Variants in PFKM observed in about 807,000 individuals in gnomAD.
PFKM encodes phosphofructokinase, muscle, also known as ATP-dependent 6-phosphofructokinase, muscle type.
In PFKM, 58 loss-of-function variants were observed where a neutral mutation model predicts 95.5. That is an observed-to-expected ratio of 0.61 (90% CI 0.49 to 0.76). The LOEUF is 0.76. PFKM is among the 30% of genes least tolerant of loss of function. The probability of loss-of-function intolerance (pLI) is 0.00; values close to 1 mark genes in which losing one functional copy is unlikely to be tolerated. For missense variants in PFKM, 678 were observed against 1,005.4 expected, an observed-to-expected ratio of 0.67 and a Z score of 4.40; for synonymous variants, 336 against 357.2, an observed-to-expected ratio of 0.94 and a Z score of 0.67.
At position 48,137,841 on chromosome 12, in the gene PFKM, C is replaced by T; in HGVS notation, c.1057C>T (p.Gln353Ter). Residue 353 changes from glutamine (Q) to a stop codon, truncating the protein, a stop_gained, in exon 11 of 23, where the codon CAG becomes TAG. Coordinates refer to ENST00000359794, the MANE Select transcript of PFKM (RefSeq NM_000289.6). LOFTEE classifies it high-confidence loss of function. ...AVRLPLMECV[Q>*]VTKDVTKAMD... ...GCGCCTGCCCCTCATGGAATGTGTC[C>T]AGGTGGTAAGTACTGATCCTAAACC... 1 of 1,614,130 alleles carries T rather than the reference C, an allele frequency of 6.2e-7. No individual in the cohort carries two copies. The highest frequency in any genetic ancestry group is 1.7e-5 in the Admixed American group (1 of 60,030).
At chr12:48,111,528 AAGT>A (rs1420494970) in intron 3 of PFKM, among the ~76,000 whole-genome samples, 3 of 152,086 alleles carry the variant, frequency 2.0e-5, no homozygotes, top group Non-Finnish European at 2.9e-5. Context: ...GTGAGAGCTC[AAGT>A]TAAGACAATG....
chr12:48,133,953 C>G (rs532597211), intron 6 of PFKM, among the ~76,000 whole-genome samples: 21 of 152,276 alleles, frequency 1.4e-4, no homozygotes, highest in African/African-American at 5.1e-4. Context: ...ATTCTCCCTT[C>G]ACTTCTTATC....
chr12:48,144,204 G>A, intron 20 of PFKM, 47 bp downstream of exon 20: 1 of 1,267,224 alleles, frequency 7.9e-7, no homozygotes, highest in South Asian at 1.2e-5. Flanking sequence ...AGCCATACCT[G>A]CCAACAGCCA....
At chr12:48,131,888 A>G in intron 4 of PFKM, 1 of 392,172 alleles carries the variant, frequency 2.5e-6, no homozygotes, top group Admixed American at 3.1e-5. Flanking sequence ...CCTTTATGCT[A>G]CTTGCTCCAT....
In PFKM at chr12:48,141,874, C is replaced by T; in HGVS notation, c.1501-40C>T. ...TTCCTCTCTCCCTCCTACCTCCTCT[C>T]CCTCTCCCCAATCCTGCCCTTGTGC... On this transcript the variant is annotated intron_variant, in intron 16 of 22. Transcript: ENST00000359794. 3 of 1,613,760 alleles carry T rather than the reference C, an allele frequency of 1.9e-6. No homozygotes were observed. The South Asian group carries it at 3.3e-5, about 18-fold the overall frequency.
At chr12:48,136,567 G>T (rs987612927) in intron 10 of PFKM, among the ~76,000 whole-genome samples, 3 of 150,964 alleles carry the variant, frequency 2.0e-5, no homozygotes, top group Non-Finnish European at 4.4e-5. Flanking sequence ...GTAGTTTTTT[G>T]TTTCTTAAAA....
intron 6 of PFKM, among the ~76,000 whole-genome samples, chr12:48,133,809 C>A (rs1256856320): frequency 6.6e-6 from 1 of 152,132 alleles, no homozygotes; most frequent in Non-Finnish European, 1.5e-5. Context: ...CCAACCATAT[C>A]ATAGAAAGTA....
At position 48,140,823 on chromosome 12, in the gene PFKM, C is replaced by T. The variant is rs1325830143; in HGVS notation, c.1293C>T (p.Asn431=). The stretch of plus-strand genomic sequence containing the variant: ...TGAGGATTGGCCTTATCCAGGGCAA[C>T]CGAGTGCTCGTTGTCCATGATGGTT... ...STVRIGLIQG[N]RVLVVHDGFE... The change falls in exon 14 of 23, where the codon AAC becomes AAT. Residue 431 remains asparagine (N), a synonymous_variant. Coordinates refer to ENST00000359794, the MANE Select transcript of PFKM (RefSeq NM_000289.6). 2 of 1,614,202 alleles carry T rather than the reference C, an allele frequency of 1.2e-6. No individual in the cohort carries two copies. Among genetic ancestry groups the T allele is most frequent in the African/African-American group, 1.3e-5 (1 of 75,058 alleles).
upstream of PFKM, chr12:48,105,496 A>G (rs1318207177): frequency 1.9e-6 from 1 of 519,144 alleles, no homozygotes; most frequent in South Asian, 1.4e-5. Context: ...TGATGGTGGC[A>G]CTAGCGATAT....
chr12:48,142,547 C>T (rs149426922), intron 17 of PFKM, among the ~76,000 whole-genome samples: 1 of 151,516 alleles, frequency 6.6e-6, no homozygotes, highest in East Asian at 1.9e-4. Flanking sequence ...ATCATGCAGT[C>T]TAATTTTCTG....
At position 48,145,779 on chromosome 12, in the gene PFKM, T is replaced by G; in HGVS notation, c.*71T>G. 1 of 1,513,000 alleles carries G rather than the reference T, an allele frequency of 6.6e-7. No homozygotes were observed. Among genetic ancestry groups the G allele is most frequent in the Non-Finnish European group, 9.2e-7 (1 of 1,088,542 alleles). 93.7% of individuals were successfully genotyped at this position (1,513,000 alleles called of 1,614,324 possible). A position where few individuals can be genotyped will look rare whatever the true frequency, so the allele number is the denominator to read the frequency against. ...CACACCCTAATAAGTCCACATCTTC[T>G]CAGTGTTTTAGCTGTTTTTTTCATT... On this transcript the variant is annotated 3_prime_UTR_variant, in exon 23 of 23. Coordinates refer to ENST00000359794, the MANE Select transcript of PFKM (RefSeq NM_000289.6). This position sits in a 1 kb window ranked among gnomAD's most constrained non-coding sequence, Gnocchi z 4.3.
At chr12:48,141,487 C>G in intron 15 of PFKM, 106 bp downstream of exon 15, 2 of 988,422 alleles carry the variant, frequency 2.0e-6, no homozygotes, top group Non-Finnish European at 3.2e-6. Flanking sequence ...TTGTCTGGGT[C>G]CTCCACCCTC....
chr12:48,133,839 G>A (rs1949777225), intron 6 of PFKM, among the ~76,000 whole-genome samples: 1 of 152,098 alleles, frequency 6.6e-6, no homozygotes, highest in African/African-American at 2.4e-5. Context: ...CTATGACCAC[G>A]ACAGCTCAGA....
Position 48,145,193 on chromosome 12 carries a change from C to T in PFKM, c.2093-17C>T. 1.2e-6 allele frequency: 2 copies of T among 1,612,586 alleles called. No homozygotes were observed. The highest frequency in any genetic ancestry group is 1.7e-6 in the Non-Finnish European group (2 of 1,178,586). On this transcript the variant is annotated splice_polypyrimidine_tract_variant and intron_variant, in intron 21 of 22. Transcript: ENST00000359794. This position sits in a 1 kb window ranked among gnomAD's most constrained non-coding sequence, Gnocchi z 4.3. ...GGTTCCCCAGTATAGAAGCTGACTG[C>T]CCATCCCTCATTGCAGGGCGGATCT...
At position 48,144,128 on chromosome 12, in the gene PFKM, A is replaced by G; in HGVS notation, c.1963A>G (p.Arg655Gly). The stretch of plus-strand genomic sequence containing the variant: ...GGAGGGGAAGGGCATCTTCGACAGC[A>G]GGAAGAATGTGCTTGGTCACATGCA... ...SEEGKGIFDS[R>G]KNVLGHMQQG... Residue 655 changes from arginine (R) to glycine (G), a missense_variant, in exon 20 of 23, where the codon AGG (arginine) becomes GGG (glycine). Arg to Gly is a moderately radical substitution (Grantham distance 125). Transcript: ENST00000359794. 6.2e-7 allele frequency: 1 copy of G among 1,612,856 alleles called. No homozygotes were observed. The highest frequency in any genetic ancestry group is 8.5e-7 in the Non-Finnish European group (1 of 1,178,864).
At chr12:48,106,351 C>T in intron 1 of PFKM, 1 of 517,202 alleles carries the variant, frequency 1.9e-6, no homozygotes, top group Non-Finnish European at 3.4e-6. Flanking sequence ...TCTGTTCCCT[C>T]TGCTCCCTTA....
chr12:48,142,404 C>T, intron 17 of PFKM: 4 of 432,170 alleles, frequency 9.3e-6, no homozygotes, highest in South Asian at 8.4e-5. Flanking sequence ...ACCTGGGAGG[C>T]GGAGGTTGCA....
At chr12:48,143,424 G>A (rs561985126) in intron 18 of PFKM, among the ~76,000 whole-genome samples, 12 of 152,302 alleles carry the variant, frequency 7.9e-5, no homozygotes, top group Admixed American at 5.9e-4. Context: ...TGTCAACACT[G>A]ACACTGTGAC....
intron 3 of PFKM, among the ~76,000 whole-genome samples, chr12:48,109,321 T>TCCCTC (rs1565836304): frequency 6.6e-6 from 1 of 150,956 alleles, no homozygotes; most frequent in Non-Finnish European, 1.5e-5. Context: ...CTTCCTTCCT[T>TCCCTC]CCTCCCTCCC....
Sources: allele counts gnomAD v4.1 joint callset (sites outside exome capture counted in the v4.1 genomes callset), GRCh38; gene constraint gnomAD v4.1.1; non-coding constraint Gnocchi (gnomAD v3.1); transcripts MANE v1.5; gene names NCBI Gene and HGNC (gene_info 2026-07-23, HGNC 2026-07-21).